The following CES1 variants were observed in gnomAD, a reference collection of about 807,000 sequenced individuals.
The protein encoded by CES1 is carboxylesterase 1.
In CES1, 50 loss-of-function variants were observed where a neutral mutation model predicts 53.0. That is an observed-to-expected ratio of 0.94 (90% CI 0.75 to 1.19). The LOEUF (loss-of-function observed/expected upper bound fraction) is 1.19. Among genes scored for constraint, CES1 ranks in the 50% most tolerant of loss-of-function variants. The probability of loss-of-function intolerance (pLI) is 0.00; values close to 1 mark genes in which losing one functional copy is unlikely to be tolerated. For missense variants in CES1, 534 were observed against 538.0 expected, an observed-to-expected ratio of 0.99 and a Z score of 0.07; for synonymous variants, 202 against 210.1, an observed-to-expected ratio of 0.96 and a Z score of 0.33.
At position 55,816,904 on chromosome 16, in the gene CES1, C is replaced by T. The variant is rs776721901; in HGVS notation, c.945+20G>A. On this transcript the variant is annotated intron_variant, in intron 8 of 13. Coordinates refer to ENST00000360526, the MANE Select transcript of CES1 (RefSeq NM_001025195.2). ...GTGCTAAGACTCAAAACCCGTAATC[C>T]AGAAACAAAAGGTCCTTACCTCTCT... 1 of 1,613,568 alleles carries T rather than the reference C, an allele frequency of 6.2e-7. No individual in the cohort carries two copies. The highest frequency in any genetic ancestry group is 2.2e-5 in the East Asian group (1 of 44,884).
At chr16:55,814,384 C>A (rs3893204) in intron 8 of CES1, among the ~76,000 whole-genome samples, 111,794 of 151,136 alleles carry the variant, frequency 0.74, 41,925 homozygotes, top group Non-Finnish European at 0.82. Flanking sequence ...GTAGTTGCTA[C>A]GATAGAGCGT....
chr16:55,825,906 G>C (rs2032396319), intron 3 of CES1, among the ~76,000 whole-genome samples: 1 of 152,220 alleles, frequency 6.6e-6, no homozygotes, highest in South Asian at 2.1e-4. Flanking sequence ...CTATTAGCAT[G>C]AGGGAACTTG....
chr16:55,810,219 C>T (rs1384126323), intron 11 of CES1, among the ~76,000 whole-genome samples: 2 of 152,148 alleles, frequency 1.3e-5, no homozygotes, highest in Non-Finnish European at 2.9e-5. Flanking sequence ...TGGATACTCC[C>T]TTGACAACGC....
At chr16:55,824,947 C>T (rs1567504617) in intron 3 of CES1, among the ~76,000 whole-genome samples, 1 of 152,232 alleles carries the variant, frequency 6.6e-6, no homozygotes, top group Non-Finnish European at 1.5e-5. Flanking sequence ...TCTCCCACAA[C>T]TCTAATCCCT....
chr16:55,826,123 G>T, intron 3 of CES1, 28 bp downstream of exon 3: 3 of 1,613,864 alleles, frequency 1.9e-6, no homozygotes, highest in Non-Finnish European at 2.5e-6. Flanking sequence ...GCACTGACAC[G>T]CCTTGACCAG....
chr16:55,827,687 T>C (rs2032473600), intron 2 of CES1, among the ~76,000 whole-genome samples: 2 of 152,354 alleles, frequency 1.3e-5, no homozygotes, highest in South Asian at 2.1e-4. Flanking sequence ...AAATTAATTA[T>C]GGTTCAATAC....
Position 55,821,612 on chromosome 16 carries a change from C to A in CES1, c.540-91G>T, listed in dbSNP as rs372973308. 1.2e-4 allele frequency: 175 copies of A among 1,407,066 alleles called. 1 individual carries two copies. Among genetic ancestry groups the A allele is most frequent in the Middle Eastern group, 1.0e-3 (6 of 5,720 alleles). The allele number at this position is 1,407,066 out of a possible 1,614,324, so 87.2% of individuals were successfully genotyped here. A position where few individuals can be genotyped will look rare whatever the true frequency, so the allele number is the denominator to read the frequency against. On this transcript the variant is annotated intron_variant, in intron 4 of 13. Transcript: ENST00000360526. The stretch of plus-strand genomic sequence containing the variant: ...GATGGGGCTAGGGGTTCTCAGTGAA[C>A]CCTTAAGAATAAGGCTGGGCTTCAG...
chr16:55,830,909 C>T (rs1252675717), intron 1 of CES1, among the ~76,000 whole-genome samples: 1 of 151,764 alleles, frequency 6.6e-6, no homozygotes, highest in Non-Finnish European at 1.5e-5. Flanking sequence ...GGTCCCTGAC[C>T]AGAGGTGGGG....
At chr16:55,811,407 C>T (rs1177615873) in intron 9 of CES1, among the ~76,000 whole-genome samples, 1 of 152,060 alleles carries the variant, frequency 6.6e-6, no homozygotes, top group African/African-American at 2.4e-5. Context: ...CCCTAGTACC[C>T]CCACCTGTCA....
chr16:55,811,555 A>G, intron 9 of CES1, among the ~76,000 whole-genome samples: 1 of 152,158 alleles, frequency 6.6e-6, no homozygotes, highest in East Asian at 1.9e-4. Flanking sequence ...CAGGGACTCG[A>G]CCAATCTCTA....
At chr16:55,812,453 G>A (rs2031740793) in intron 9 of CES1, 1 of 259,084 alleles carries the variant, frequency 3.9e-6, no homozygotes, top group African/African-American at 2.2e-5. Flanking sequence ...GGTAACTCAA[G>A]AAGAAGCCAC....
At chr16:55,827,314 C>T (rs1270123321) in intron 2 of CES1, among the ~76,000 whole-genome samples, 1 of 100,284 alleles carries the variant, frequency 1.0e-5, no homozygotes, top group Non-Finnish European at 2.3e-5. Flanking sequence ...TAATACATTC[C>T]AATGTGAAGA....
At chr16:55,811,567 C>A (rs2031700364) in intron 9 of CES1, among the ~76,000 whole-genome samples, 1 of 152,202 alleles carries the variant, frequency 6.6e-6, no homozygotes, top group Non-Finnish European at 1.5e-5. Flanking sequence ...CAATCTCTAG[C>A]ATTGCTTCTA....
chr16:55,829,013 A>C, intron 1 of CES1, 39 bp from the exon 2 acceptor site: 1 of 1,565,140 alleles, frequency 6.4e-7, no homozygotes, highest in Non-Finnish European at 8.7e-7. Flanking sequence ...TCAGAGGCAA[A>C]AGGCTGGACC....
chr16:55,820,027 C>T (rs561512051), intron 6 of CES1: 1 of 552,660 alleles, frequency 1.8e-6, no homozygotes, highest in East Asian at 3.1e-5. Flanking sequence ...ACACAAGACA[C>T]CATCACTGCC....
chr16:55,822,191 C>T (rs768687241), intron 4 of CES1, among the ~76,000 whole-genome samples: 37 of 152,232 alleles, frequency 2.4e-4, no homozygotes, highest in Admixed American at 7.8e-4. Context: ...GAAGCCCCTG[C>T]AGGGTTTTGT....
chr16:55,827,033 G>T (rs1490559862), intron 2 of CES1, among the ~76,000 whole-genome samples: 1 of 152,076 alleles, frequency 6.6e-6, no homozygotes, highest in Non-Finnish European at 1.5e-5. Flanking sequence ...CCTGACCAAG[G>T]TTACATAGCC....
chr16:55,811,216 A>C (rs560482664), intron 9 of CES1, among the ~76,000 whole-genome samples: 9 of 151,668 alleles, frequency 5.9e-5, no homozygotes, highest in Non-Finnish European at 7.4e-5. Flanking sequence ...TTTACAAAAA[A>C]AAAAAACAAA....
intron 10 of CES1, 82 bp from the exon 11 acceptor site, chr16:55,810,746 G>T (rs1194745554): frequency 1.0e-5 from 16 of 1,550,976 alleles, no homozygotes; most frequent in Non-Finnish European, 1.3e-5. Context: ...TGCCTCAATG[G>T]TGAACCCCAT....
Sources: gnomAD v4.1 joint callset for allele counts (sites outside exome capture counted in the v4.1 genomes callset) on GRCh38, gnomAD v4.1.1 for gene constraint, MANE v1.5 for transcripts, NCBI Gene and HGNC (gene_info 2026-07-23, HGNC 2026-07-21) for gene names.